FRMD4A: variants seen among roughly 807,000 people sequenced by gnomAD.
The protein encoded by FRMD4A is FERM domain containing 4A.
A neutral mutation model predicts 129.1 loss-of-function variants in FRMD4A; 29 were observed. The ratio of observed to expected loss-of-function variants is 0.22; its 90% CI spans 0.17 to 0.31. The LOEUF (loss-of-function observed/expected upper bound fraction) is 0.31, where lower values mean the gene tolerates loss of function less well. FRMD4A is among the 10% of genes least tolerant of loss of function. The pLI is 1.00. For synonymous variants in FRMD4A, 634 were observed against 571.6 expected (o/e 1.11, Z -1.56); for missense variants, 1,272 against 1,375.8 (o/e 0.92, Z 1.19).
chr10:13,672,095 GCATGTGTGTGCGTGTGTA>G (rs2083556400), intron 16 of FRMD4A, among the ~76,000 whole-genome samples: 1 of 152,236 alleles, frequency 6.6e-6, no homozygotes, highest in Non-Finnish European at 1.5e-5. Flanking sequence ...CATGGTGTGT[GCATGTGTGTGCGTGTGTA>G]CATGTGTACA....
intron 2 of FRMD4A, among the ~76,000 whole-genome samples, chr10:13,894,214 G>A (rs1308983010): frequency 6.6e-6 from 1 of 152,208 alleles, no homozygotes; most frequent in African/African-American, 2.4e-5. Flanking sequence ...CAGCAGCCCT[G>A]TGAATGGGTG....
At chr10:13,959,543 C>A in intron 2 of FRMD4A, among the ~76,000 whole-genome samples, 1 of 131,732 alleles carries the variant, frequency 7.6e-6, no homozygotes, top group African/African-American at 2.9e-5. Context: ...CATCAGGTGA[C>A]AGGTTCATTA....
chr10:14,036,783 G>A (rs1326134365), intron 2 of FRMD4A, among the ~76,000 whole-genome samples: 2 of 151,920 alleles, frequency 1.3e-5, no homozygotes, highest in Admixed American at 6.6e-5. Flanking sequence ...ATGGGGTTTC[G>A]CCAGGTTGGC....
chr10:14,014,770 C>T (rs1273530622), intron 2 of FRMD4A, among the ~76,000 whole-genome samples: 1 of 152,204 alleles, frequency 6.6e-6, no homozygotes, highest in Admixed American at 6.5e-5. Context: ...CTTGGTTTTA[C>T]CTACGGTTTG....
intron 15 of FRMD4A, among the ~76,000 whole-genome samples, chr10:13,676,670 T>C (rs897095863): frequency 1.3e-5 from 2 of 152,292 alleles, no homozygotes; most frequent in South Asian, 4.2e-4. Context: ...CACCATGCCA[T>C]TGACAACTGC....
intron 2 of FRMD4A, among the ~76,000 whole-genome samples, chr10:13,982,283 A>T (rs532308364): frequency 6.6e-6 from 1 of 152,074 alleles, no homozygotes; most frequent in Non-Finnish European, 1.5e-5. Context: ...CAGGAGTTCG[A>T]GGCCACCCTG....
In FRMD4A at chr10:13,842,970, T is replaced by A. The variant is rs576868284; in HGVS notation, c.111+15877A>T. Among the ~76,000 whole-genome samples the A allele has an allele frequency of 2.6e-5, 4 of 152,310 alleles. No individual in the cohort carries two copies. In the South Asian group the frequency reaches 8.3e-4, roughly 32 times the overall value. The stretch of plus-strand genomic sequence containing the variant: ...TACTGACTTGGCAAATACAAAAAAA[T>A]GACTGCAGCCCCACCTGCCTTTCAT... On this transcript the variant is annotated intron_variant, in intron 3 of 24. Coordinates refer to ENST00000357447, the MANE Select transcript of FRMD4A (RefSeq NM_018027.5).
rs2091371109 is a variant in FRMD4A, at chr10:13,747,900, T to C, written c.465-81A>G. On this transcript the variant is annotated intron_variant, in intron 8 of 24. Transcript: ENST00000357447. ...TCTGATACCACTTGGGCCGCTGTCTTGTCTGAGAGACCCCACATCTGCTTC... is the reference window on the plus strand; with the variant it reads ...TCTGATACCACTTGGGCCGCTGTCTCGTCTGAGAGACCCCACATCTGCTTC... The C allele has an allele frequency of 7.5e-6, 6 of 797,490 alleles. No individual in the cohort carries two copies. In the East Asian group the frequency reaches 9.9e-5, roughly 13 times the overall value. The allele number at this position is 797,490 out of a possible 1,614,324, so 49.4% of individuals were successfully genotyped here. A position where few individuals can be genotyped will look rare whatever the true frequency, so the allele number is the denominator to read the frequency against.
chr10:14,252,283 T>C (rs1230586300), intron 2 of FRMD4A, among the ~76,000 whole-genome samples: 1 of 152,220 alleles, frequency 6.6e-6, no homozygotes, highest in African/African-American at 2.4e-5. Context: ...ATTATCAAAA[T>C]GAACATATGA....
At chr10:14,184,920 C>A (rs759339591) in intron 2 of FRMD4A, among the ~76,000 whole-genome samples, 4 of 152,146 alleles carry the variant, frequency 2.6e-5, no homozygotes, top group Non-Finnish European at 5.9e-5. Context: ...CAAACGCGAC[C>A]GCTAAAGTCG....
intron 2 of FRMD4A, among the ~76,000 whole-genome samples, chr10:14,222,519 AG>A (rs1460691952): frequency 3.3e-5 from 5 of 152,240 alleles, no homozygotes; most frequent in Non-Finnish European, 5.9e-5. Flanking sequence ...TAGAGAAACC[AG>A]GCCATCTGTA....
intron 2 of FRMD4A, among the ~76,000 whole-genome samples, chr10:13,958,188 T>C (rs1224107868): frequency 6.6e-6 from 1 of 152,176 alleles, no homozygotes; most frequent in Non-Finnish European, 1.5e-5. Flanking sequence ...TTGTGTTTCT[T>C]TCTCGTTATC....
intron 3 of FRMD4A, among the ~76,000 whole-genome samples, chr10:13,812,438 C>T (rs905825026): frequency 6.6e-6 from 1 of 152,232 alleles, no homozygotes; most frequent in Non-Finnish European, 1.5e-5. Context: ...CAGGAGCTAA[C>T]CATGCTGGCA....
At position 14,207,686 on chromosome 10, in the gene FRMD4A, CCACACACACA is replaced by C. The variant is rs56740311; in HGVS notation, c.45+122362_45+122371del. Among the ~76,000 whole-genome samples the C allele has an allele frequency of 6.9e-5, 10 of 145,940 alleles. No individual in the cohort carries two copies. The East Asian group carries it at 1.8e-3, about 27-fold the overall frequency. ...AATGTCAGCTAATCATCCTAGGTAACCACACACACACACACACACACACACACACACACGG... is the reference window on the plus strand; with the variant it reads ...AATGTCAGCTAATCATCCTAGGTAACCACACACACACACACACACACACGG... On this transcript the variant is annotated intron_variant, in intron 2 of 24. Coordinates refer to ENST00000357447, the MANE Select transcript of FRMD4A (RefSeq NM_018027.5).
intron 4 of FRMD4A, among the ~76,000 whole-genome samples, chr10:13,801,098 C>G (rs10906491): frequency 6.6e-6 from 1 of 151,882 alleles, no homozygotes; most frequent in Non-Finnish European, 1.5e-5. Context: ...AATACAAAAA[C>G]TAGCCAGGTG....
intron 21 of FRMD4A, among the ~76,000 whole-genome samples, chr10:13,657,787 G>GTTTTTT (rs1204181870): frequency 5.9e-4 from 66 of 111,026 alleles, no homozygotes; most frequent in African/African-American, 2.2e-3. Context: ...TCGATTTCTG[G>GTTTTTT]GTTTTTTTTT....
chr10:13,656,066 A>C (rs1005903128), intron 22 of FRMD4A: 2 of 152,242 alleles, frequency 1.3e-5, no homozygotes, highest in Non-Finnish European at 2.9e-5. Flanking sequence ...CTTAAATAAT[A>C]GTTTGTGGCT....
intron 2 of FRMD4A, among the ~76,000 whole-genome samples, chr10:14,328,167 G>T (rs1268980287): frequency 6.6e-6 from 1 of 152,028 alleles, no homozygotes. Context: ...GGTCCATCAG[G>T]GTGTCAAGAG....
In FRMD4A at chr10:14,078,119, G is replaced by A. The variant is rs115669894; in HGVS notation, c.46-219207C>T. Among the ~76,000 whole-genome samples, 717 of 152,246 alleles carry A rather than the reference G, an allele frequency of 4.7e-3. 5 individuals carry two copies. Among genetic ancestry groups the A allele is most frequent in the African/African-American group, 0.016 (671 of 41,542 alleles). On this transcript the variant is annotated intron_variant, in intron 2 of 24. Transcript: ENST00000357447. ...GAGGCAGACAGCATCTCATTGCAAG[G>A]GACCACTTTGATGAATGAATAATCG...
Sources: gnomAD v4.1 joint callset for allele counts (sites outside exome capture counted in the v4.1 genomes callset) on GRCh38, gnomAD v4.1.1 for gene constraint, MANE v1.5 for transcripts, NCBI Gene and HGNC (gene_info 2026-07-23, HGNC 2026-07-21) for gene names.